The following GALNT18 variants were observed in gnomAD, a reference collection of about 807,000 sequenced individuals.
GALNT18 encodes the protein GalNAc-transferase 18.
In GALNT18, 44 loss-of-function variants were observed where a neutral mutation model predicts 69.5. That is an observed-to-expected ratio of 0.63 (90% CI 0.50 to 0.81). The LOEUF is 0.81. Ranked by LOEUF, GALNT18 falls within the 40% of genes least tolerant of loss-of-function variation. The pLI is 0.00. For synonymous variants in GALNT18, 364 were observed against 318.2 expected (o/e 1.14, Z -1.53); for missense variants, 715 against 810.0 (o/e 0.88, Z 1.42).
At chr11:11,312,785 AT>A (rs1247232020) in intron 9 of GALNT18, among the ~76,000 whole-genome samples, 1 of 152,226 alleles carries the variant, frequency 6.6e-6, no homozygotes. Flanking sequence ...CTAAGCCTTC[AT>A]TTACATAAAA....
intron 10 of GALNT18, among the ~76,000 whole-genome samples, chr11:11,290,265 A>G (rs1256367202): frequency 6.6e-6 from 1 of 152,188 alleles, no homozygotes; most frequent in African/African-American, 2.4e-5. Context: ...GAGGAGAGGG[A>G]GGAAGAAATG....
At chr11:11,599,682 C>CTTCT (rs143038939) in intron 1 of GALNT18, among the ~76,000 whole-genome samples, 1,887 of 151,596 alleles carry the variant, frequency 0.012, 46 homozygotes, top group African/African-American at 0.044. Flanking sequence ...TCCTCCTTTC[C>CTTCT]TTAGTTTCTT....
rs577277626 is a variant in GALNT18, at chr11:11,273,439, G to A, written c.1678-2149C>T. Among the ~76,000 whole-genome samples, 8 of 152,270 alleles carry A rather than the reference G, an allele frequency of 5.3e-5. No homozygotes were observed. In the East Asian group the frequency reaches 1.5e-3, roughly 29 times the overall value. The stretch of plus-strand genomic sequence containing the variant: ...GACTTATAAATGGCAAACAGGTTAT[G>A]GAAAAATGCTCAACATCAGTAATTA... On this transcript the variant is annotated intron_variant, in intron 10 of 10. Coordinates refer to ENST00000227756, the MANE Select transcript of GALNT18 (RefSeq NM_198516.3).
At position 11,536,593 on chromosome 11, in the gene GALNT18, G is replaced by T. The variant is rs1857777957; in HGVS notation, c.235+84766C>A. Among the ~76,000 whole-genome samples the T allele has an allele frequency of 2.0e-5, 3 of 151,144 alleles. No homozygotes were observed. In the South Asian group the frequency reaches 6.3e-4, roughly 32 times the overall value. ...CAGCTTCTTCCTCTACAGCTCTGTAGTCGATGAAACCCGCCAAGACCTTTA... is the reference window on the plus strand; with the variant it reads ...CAGCTTCTTCCTCTACAGCTCTGTATTCGATGAAACCCGCCAAGACCTTTA... On this transcript the variant is annotated intron_variant, in intron 1 of 10. Coordinates refer to ENST00000227756, the MANE Select transcript of GALNT18 (RefSeq NM_198516.3).
At chr11:11,289,421 A>AG (rs1201519910) in intron 10 of GALNT18, among the ~76,000 whole-genome samples, 1 of 152,224 alleles carries the variant, frequency 6.6e-6, no homozygotes, top group African/African-American at 2.4e-5. Flanking sequence ...CAGTCACCGA[A>AG]GAGCCTTGTG....
chr11:11,457,616 C>T (rs963063117), intron 1 of GALNT18, among the ~76,000 whole-genome samples: 6 of 152,230 alleles, frequency 3.9e-5, no homozygotes, highest in Admixed American at 1.3e-4. Flanking sequence ...GAACGCAGCT[C>T]ACCTGGCTGA....
At chr11:11,282,176 CTCTT>C (rs529319941) in intron 10 of GALNT18, among the ~76,000 whole-genome samples, 279 of 151,230 alleles carry the variant, frequency 1.8e-3, no homozygotes, top group African/African-American at 2.3e-3. Flanking sequence ...ACTGAACAGA[CTCTT>C]TCTTCTTCTC....
At chr11:11,408,397 T>C (rs1213478030) in intron 3 of GALNT18, among the ~76,000 whole-genome samples, 1 of 135,364 alleles carries the variant, frequency 7.4e-6, no homozygotes, top group African/African-American at 2.7e-5. Flanking sequence ...AAAAGGAATA[T>C]ACCGCCATGT....
At chr11:11,544,673 C>T (rs181407465) in intron 1 of GALNT18, among the ~76,000 whole-genome samples, 64 of 152,322 alleles carry the variant, frequency 4.2e-4, no homozygotes, top group African/African-American at 1.1e-3. Context: ...TTTTAAGCCT[C>T]GCATGCATTA....
intron 1 of GALNT18, among the ~76,000 whole-genome samples, chr11:11,561,454 C>T (rs1256244784): frequency 1.3e-5 from 2 of 152,152 alleles, no homozygotes; most frequent in African/African-American, 4.8e-5. Context: ...GTCACTTAAG[C>T]ATTGTGACAC....
chr11:11,594,838 T>TATAC (rs1223810565), intron 1 of GALNT18, among the ~76,000 whole-genome samples: 1 of 64,844 alleles, frequency 1.5e-5, no homozygotes, highest in Non-Finnish European at 4.2e-5. Context: ...TATATATATA[T>TATAC]ATACACATAT....
intron 1 of GALNT18, among the ~76,000 whole-genome samples, chr11:11,460,754 G>A (rs906944789): frequency 1.3e-5 from 2 of 148,328 alleles, no homozygotes; most frequent in African/African-American, 5.2e-5. Flanking sequence ...CTTCGGTGTT[G>A]GTATTTGGCT....
Position 11,396,812 on chromosome 11 carries a change from G to T in GALNT18, c.596-17548C>A, listed in dbSNP as rs965871166. Reference sequence around the variant, plus strand: ...ATTTCTGGCCCGCACTGCAGCATCAGTGGGGAGGAAAATAGGGAGGGTCTT... The same window carrying T: ...ATTTCTGGCCCGCACTGCAGCATCATTGGGGAGGAAAATAGGGAGGGTCTT... On this transcript the variant is annotated intron_variant, in intron 3 of 10. Transcript: ENST00000227756. The surrounding 1 kb of genome is among the most constrained non-coding windows in gnomAD (Gnocchi z 5.2). 5.9e-5 allele frequency among the ~76,000 whole-genome samples: 9 copies of T among 152,190 alleles called. 1 individual carries two copies. Among genetic ancestry groups the T allele is most frequent in the Admixed American group, 3.3e-4 (5 of 15,286 alleles).
chr11:11,541,845 T>C lies in GALNT18; in HGVS notation c.235+79514A>G, dbSNP rs1384483805. ...AAGCCCAGAAGCCTCTCCCGAAGAGTGAGCAGGTTGCTTTCCCTCAGCCTG... is the reference window on the plus strand; with the variant it reads ...AAGCCCAGAAGCCTCTCCCGAAGAGCGAGCAGGTTGCTTTCCCTCAGCCTG... On this transcript the variant is annotated intron_variant, in intron 1 of 10. Transcript: ENST00000227756. The surrounding 1 kb of genome is among the most constrained non-coding windows in gnomAD (Gnocchi z 4.8). Among the ~76,000 whole-genome samples, 2 of 151,744 alleles carry C rather than the reference T, an allele frequency of 1.3e-5. No individual in the cohort carries two copies. The highest frequency in any genetic ancestry group is 2.9e-5 in the Non-Finnish European group (2 of 67,934).
chr11:11,558,080 T>C (rs1858375464), intron 1 of GALNT18, among the ~76,000 whole-genome samples: 1 of 152,148 alleles, frequency 6.6e-6, no homozygotes, highest in Admixed American at 6.5e-5. Flanking sequence ...GGGCCAACCT[T>C]CCTGGATAAG....
intron 1 of GALNT18, among the ~76,000 whole-genome samples, chr11:11,599,365 T>C (rs1859579323): frequency 6.6e-6 from 1 of 152,134 alleles, no homozygotes; most frequent in African/African-American, 2.4e-5. Context: ...TTATCTCTAG[T>C]AACTTTTTGG....
chr11:11,274,506 G>T (rs1374778021), intron 10 of GALNT18, among the ~76,000 whole-genome samples: 3 of 152,172 alleles, frequency 2.0e-5, no homozygotes, highest in African/African-American at 7.2e-5. Flanking sequence ...GCTTGGTTGG[G>T]TGAGGGACAT....
At chr11:11,520,754 A>T (rs1459746347) in intron 1 of GALNT18, among the ~76,000 whole-genome samples, 1 of 152,198 alleles carries the variant, frequency 6.6e-6, no homozygotes, top group Non-Finnish European at 1.5e-5. Context: ...CAGCTGTCAC[A>T]GGCTGGAGTG....
At chr11:11,319,932 T>C (rs1023902132) in intron 9 of GALNT18, among the ~76,000 whole-genome samples, 1 of 152,246 alleles carries the variant, frequency 6.6e-6, no homozygotes, top group Non-Finnish European at 1.5e-5. Context: ...TACCAGATTT[T>C]GTTCTCTAAA....
Sources: allele counts gnomAD v4.1 joint callset (sites outside exome capture counted in the v4.1 genomes callset), GRCh38; gene constraint gnomAD v4.1.1; non-coding constraint Gnocchi (gnomAD v3.1); transcripts MANE v1.5; gene names NCBI Gene and HGNC (gene_info 2026-07-23, HGNC 2026-07-21).